The following UTRN variants were observed in gnomAD, a reference collection of about 807,000 sequenced individuals.
UTRN encodes the protein dystrophin-related protein 1.
Under a neutral mutation model 463.9 loss-of-function variants are expected in UTRN, and 283 were observed. The observed-to-expected ratio is 0.61, with a 90% CI of 0.55 to 0.67. The LOEUF is 0.67. Among genes scored for constraint, UTRN ranks in the 30% least tolerant of loss-of-function variants. The pLI, the probability that UTRN is intolerant of heterozygous loss-of-function variation, is 0.00. For missense variants in UTRN, 3,922 were observed against 4,084.3 expected (o/e 0.96, Z 1.08); for synonymous variants, 1,442 against 1,431.5 (o/e 1.01, Z -0.17).
intron 2 of UTRN, among the ~76,000 whole-genome samples, chr6:144,374,371 G>A (rs1448100520): frequency 1.3e-5 from 2 of 152,144 alleles, no homozygotes; most frequent in African/African-American, 2.4e-5. Flanking sequence ...GCCCTGCACG[G>A]TGGCTCACTC....
chr6:144,544,368 C>A (rs1183787256), intron 46 of UTRN, among the ~76,000 whole-genome samples: 1 of 152,138 alleles, frequency 6.6e-6, no homozygotes, highest in Non-Finnish European at 1.5e-5. Context: ...CAAAATATTT[C>A]TATCACTCCA....
intron 59 of UTRN, among the ~76,000 whole-genome samples, chr6:144,772,760 G>A (rs995143804): frequency 1.3e-5 from 2 of 152,076 alleles, no homozygotes; most frequent in African/African-American, 4.8e-5. Flanking sequence ...AAACACAGAC[G>A]AGAATTCCGG....
intron 53 of UTRN, among the ~76,000 whole-genome samples, chr6:144,719,874 T>C (rs1254097782): frequency 6.6e-6 from 1 of 152,232 alleles, no homozygotes; most frequent in East Asian, 1.9e-4. Context: ...AAAGTGCATG[T>C]TAGCAAAGTT....
At chr6:144,760,852 G>A (rs911245401) in intron 58 of UTRN, among the ~76,000 whole-genome samples, 5 of 152,166 alleles carry the variant, frequency 3.3e-5, no homozygotes, top group Non-Finnish European at 7.4e-5. Context: ...CGTTTTTGGT[G>A]TTTAAGTATA....
In UTRN at chr6:144,487,569, C is replaced by T; in HGVS notation, c.3844C>T (p.His1282Tyr). Residue 1282 changes from histidine (H) to tyrosine (Y), a missense_variant, in exon 29 of 75, where the codon CAC (histidine) becomes TAC (tyrosine). Physicochemically the swap from His to Tyr is moderately conservative, Grantham distance 83 (BLOSUM62 2). Around this residue, in one of 3 missense-constraint regions of UTRN, gnomAD observed 2,349 missense variants for 2,303.8 expected, o/e 1.02. Transcript: ENST00000367545. ...CCAGTCTCTGGAATCTGTTCTGCGC[C>T]ACCCGGCAGATAATCGCACCCAGAT... ...ALESLESVLR[H>Y]PADNRTQIRE... is the part of the protein sequence containing the mutation. 1 of 1,611,852 alleles carries T rather than the reference C, an allele frequency of 6.2e-7. No individual in the cohort carries two copies. The highest frequency in any genetic ancestry group is 1.7e-5 in the Admixed American group (1 of 59,844).
At chr6:144,363,055 C>G (rs1468548323) in intron 2 of UTRN, among the ~76,000 whole-genome samples, 1 of 152,014 alleles carries the variant, frequency 6.6e-6, no homozygotes, top group African/African-American at 2.4e-5. Flanking sequence ...GAATAAGTTT[C>G]TCAGTACATA....
intron 2 of UTRN, among the ~76,000 whole-genome samples, chr6:144,320,957 A>T (rs542333965): frequency 1.8e-4 from 28 of 152,258 alleles, no homozygotes; most frequent in African/African-American, 6.5e-4. Flanking sequence ...TGCTCGTGGC[A>T]GGCACTCAGA....
At chr6:144,483,370 C>T (rs1792089489) in intron 27 of UTRN, among the ~76,000 whole-genome samples, 1 of 152,076 alleles carries the variant, frequency 6.6e-6, no homozygotes, top group Non-Finnish European at 1.5e-5. Context: ...CTGCTTTTTG[C>T]TTGTGGAAAT....
chr6:144,436,946 A>G (rs1203041471), intron 10 of UTRN, among the ~76,000 whole-genome samples: 3 of 145,942 alleles, frequency 2.1e-5, no homozygotes, highest in East Asian at 2.0e-4. Context: ...GTGTGTATAT[A>G]TATATATTTA....
rs574565620 is a variant in UTRN, at chr6:144,386,805, CT to C, written c.80-16311del. On this transcript the variant is annotated intron_variant, in intron 2 of 74. Transcript: ENST00000367545. ...TTAATTATTAAAATGACTCTTCTTC[CT>C]TTTTTTATGATCTTACATTTTGTTT... Among the ~76,000 whole-genome samples, 507 of 151,884 alleles carry C rather than the reference CT, an allele frequency of 3.3e-3. 3 individuals carry two copies. The highest frequency in any genetic ancestry group is 0.014 in the Middle Eastern group (4 of 294).
intron 2 of UTRN, among the ~76,000 whole-genome samples, chr6:144,385,529 G>A (rs1781332827): frequency 6.6e-6 from 1 of 152,126 alleles, no homozygotes; most frequent in South Asian, 2.1e-4. Context: ...ATGCTTAAAA[G>A]ACCAGCAAAT....
At chr6:144,838,035 A>G (rs969751098) in intron 71 of UTRN, among the ~76,000 whole-genome samples, 1 of 152,218 alleles carries the variant, frequency 6.6e-6, no homozygotes, top group Non-Finnish European at 1.5e-5. Flanking sequence ...TGTGTAAGGG[A>G]TGGATTTTCT....
chr6:144,380,080 T>G (rs1050881910), intron 2 of UTRN, among the ~76,000 whole-genome samples: 1 of 152,220 alleles, frequency 6.6e-6, no homozygotes, highest in African/African-American at 2.4e-5. Context: ...CATGTATATG[T>G]TCAAAATTTT....
chr6:144,658,656 T>C (rs1779569499), intron 51 of UTRN, among the ~76,000 whole-genome samples: 1 of 152,268 alleles, frequency 6.6e-6, no homozygotes, highest in African/African-American at 2.4e-5. Flanking sequence ...ATCTTTATGA[T>C]GAAACTCTGC....
chr6:144,406,542 T>G (rs1180933425), intron 3 of UTRN, among the ~76,000 whole-genome samples: 1 of 152,032 alleles, frequency 6.6e-6, no homozygotes, highest in Non-Finnish European at 1.5e-5. Context: ...AATTTTTGTA[T>G]TTTTAGTAGA....
chr6:144,577,439 A>G (rs1801547543), intron 51 of UTRN, 151 bp downstream of exon 51: 1 of 811,268 alleles, frequency 1.2e-6, no homozygotes, highest in African/African-American at 1.7e-5. Flanking sequence ...GTTTCTTGAA[A>G]TAAGCTCTAT....
At chr6:144,774,541 T>C (rs181777630) in intron 60 of UTRN, among the ~76,000 whole-genome samples, 177 bp downstream of exon 60, 1 of 152,206 alleles carries the variant, frequency 6.6e-6, no homozygotes, top group African/African-American at 2.4e-5. Flanking sequence ...CCCATCAGTG[T>C]GCAGTACTGA....
In UTRN at chr6:144,805,064, G is replaced by T. The variant is rs527449847; in HGVS notation, c.9357+1917G>T. On this transcript the variant is annotated intron_variant, in intron 65 of 74. Coordinates refer to ENST00000367545, the MANE Select transcript of UTRN (RefSeq NM_007124.3). Reference sequence around the variant, plus strand: ...TTTGTTTAAGTCTTTTAATGGAGAAGTGGGTGGACAGGGATGGACAAAATG... The same window carrying T: ...TTTGTTTAAGTCTTTTAATGGAGAATTGGGTGGACAGGGATGGACAAAATG... Among the ~76,000 whole-genome samples the T allele has an allele frequency of 3.3e-5, 5 of 152,270 alleles. No homozygotes were observed. In the East Asian group the frequency reaches 7.7e-4, roughly 24 times the overall value.
intron 51 of UTRN, among the ~76,000 whole-genome samples, chr6:144,657,559 C>A (rs1472159730): frequency 6.6e-6 from 1 of 152,076 alleles, no homozygotes; most frequent in Non-Finnish European, 1.5e-5. Flanking sequence ...CAAAGGATAC[C>A]CTTTCTTTTC....
Sources: allele counts gnomAD v4.1 joint callset (sites outside exome capture counted in the v4.1 genomes callset), GRCh38; gene constraint gnomAD v4.1.1; regional missense constraint gnomAD v4.1.1; transcripts MANE v1.5; gene names NCBI Gene and HGNC (gene_info 2026-07-23, HGNC 2026-07-21).